ERC1: variants seen among roughly 807,000 people sequenced by gnomAD.
ERC1 encodes RAB6 interacting protein 2.
In ERC1, 56 loss-of-function variants were observed where a neutral mutation model predicts 132.0. That is an observed-to-expected ratio of 0.42 (90% confidence interval 0.34 to 0.53). ERC1 has a LOEUF of 0.53. ERC1 is among the 20% of genes least tolerant of loss of function. ERC1 has a pLI of 0.03. For synonymous variants in ERC1, 478 were observed against 476.1 expected, an observed-to-expected ratio of 1.00 and a Z score of -0.05; for missense variants, 1,202 against 1,349.9, an observed-to-expected ratio of 0.89 and a Z score of 1.72.
intron 18 of ERC1, among the ~76,000 whole-genome samples, chr12:1,486,940 C>A (rs1177961205): frequency 1.3e-5 from 2 of 152,308 alleles, no homozygotes; most frequent in East Asian, 3.9e-4. Context: ...CTAGAATTGT[C>A]TGGAATATTC....
At chr12:1,337,402 T>A (rs1239765418) in intron 15 of ERC1, among the ~76,000 whole-genome samples, 1 of 152,072 alleles carries the variant, frequency 6.6e-6, no homozygotes, top group African/African-American at 2.4e-5. Context: ...CTTCGTAGAT[T>A]TTTCTTTATT....
intron 2 of ERC1, among the ~76,000 whole-genome samples, chr12:1,034,652 G>A (rs1361286789): frequency 6.6e-6 from 1 of 152,128 alleles, no homozygotes; most frequent in Non-Finnish European, 1.5e-5. Context: ...TGATGATGCT[G>A]AAACTATGCC....
At chr12:1,150,940 C>G (rs562146310) in intron 8 of ERC1, among the ~76,000 whole-genome samples, 2 of 152,192 alleles carry the variant, frequency 1.3e-5, no homozygotes, top group Non-Finnish European at 2.9e-5. Context: ...AGCACGGACT[C>G]TTGTTAAGAA....
In ERC1 at chr12:1,028,054, G is replaced by A. The variant is rs1565812648; in HGVS notation, c.151G>A (p.Gly51Arg). 1 of 1,614,126 alleles carries A rather than the reference G, an allele frequency of 6.2e-7. No individual in the cohort carries two copies. ...SSGSSVGGGS[G>R]KTLSMENIQS... ...GGGAAGCAGTGTTGGAGGTGGCAGT[G>A]GGAAAACCCTTTCAATGGAAAATAT... Residue 51 changes from glycine to arginine, a missense_variant, in exon 2 of 19, where the codon GGG (glycine) becomes AGG (arginine). Coordinates refer to ENST00000360905, the MANE Select transcript of ERC1 (RefSeq NM_178040.4).
At chr12:1,394,228 A>G (rs550881934) in intron 16 of ERC1, among the ~76,000 whole-genome samples, 554 of 148,974 alleles carry the variant, frequency 3.7e-3, no homozygotes, top group Non-Finnish European at 5.4e-3. Flanking sequence ...GTGAAACCCC[A>G]TCTCTACTAA....
chr12:1,092,846 A>G (rs924995089), intron 3 of ERC1, among the ~76,000 whole-genome samples: 1 of 152,222 alleles, frequency 6.6e-6, no homozygotes, highest in Admixed American at 6.5e-5. Context: ...CTGTAATCCC[A>G]GCTCTTTGTG....
At chr12:1,348,273 C>T (rs2084672128) in intron 15 of ERC1, among the ~76,000 whole-genome samples, 1 of 152,134 alleles carries the variant, frequency 6.6e-6, no homozygotes. Context: ...ACTCTTGTTT[C>T]CAAAAGTGTT....
intron 1 of ERC1, among the ~76,000 whole-genome samples, chr12:1,022,542 C>G (rs887807832): frequency 7.9e-5 from 12 of 152,118 alleles, no homozygotes; most frequent in African/African-American, 2.9e-4. Context: ...GGCTGTGTCC[C>G]CAGCAATCTC....
chr12:1,359,583 C>T (rs902476061), intron 15 of ERC1, among the ~76,000 whole-genome samples: 1 of 152,106 alleles, frequency 6.6e-6, no homozygotes, highest in African/African-American at 2.4e-5. Context: ...CCCGCTTCCT[C>T]GTTAACAGAC....
chr12:1,417,085 A>C (rs867432559), intron 17 of ERC1, among the ~76,000 whole-genome samples: 42 of 152,174 alleles, frequency 2.8e-4, no homozygotes, highest in African/African-American at 9.2e-4. Context: ...TGTTTCCTCT[A>C]TATGCTCAGA....
At position 1,006,264 on chromosome 12, in the gene ERC1, T is replaced by C. The variant is rs117197672; in HGVS notation, c.-157+14942T>C. On this transcript the variant is annotated intron_variant, in intron 1 of 18. Transcript: ENST00000360905. ...GAACCACTGCACCTGGCCAGTATTA[T>C]TACTATTTTTTGAGACAGATTTTTC... Among the ~76,000 whole-genome samples the C allele has an allele frequency of 9.0e-3, 1,377 of 152,222 alleles. 37 individuals carry two copies. The highest frequency in any genetic ancestry group is 0.031 in the East Asian group (163 of 5,186).
intron 1 of ERC1, among the ~76,000 whole-genome samples, chr12:1,010,061 G>T (rs1380482699): frequency 6.6e-6 from 1 of 152,172 alleles, no homozygotes; most frequent in South Asian, 2.1e-4. Context: ...CAGAATTTGA[G>T]TCTGTAATTC....
At chr12:1,275,476 A>G (rs530502452) in intron 14 of ERC1, among the ~76,000 whole-genome samples, 11 of 152,338 alleles carry the variant, frequency 7.2e-5, no homozygotes, top group Middle Eastern at 3.4e-3. Context: ...TCCAGCAATT[A>G]TATGAAGAAT....
At position 1,102,132 on chromosome 12, in the gene ERC1, AT is replaced by A. The variant is rs564740793; in HGVS notation, c.1087-2607del. Among the ~76,000 whole-genome samples, 755 of 150,116 alleles carry A rather than the reference AT, an allele frequency of 5.0e-3. 6 individuals carry two copies. The highest frequency in any genetic ancestry group is 6.9e-3 in the Middle Eastern group (2 of 290). On this transcript the variant is annotated intron_variant, in intron 3 of 18. Transcript: ENST00000360905. ...TAAAGACGTTCCTTCTTTAACTTAA[AT>A]TTTTTTTTTTCTGGTACCAGCTAGA...
intron 7 of ERC1, among the ~76,000 whole-genome samples, chr12:1,122,487 A>G (rs377406807): frequency 3.4e-4 from 10 of 29,338 alleles, no homozygotes; most frequent in African/African-American, 1.2e-3. Context: ...CTCTATCTCT[A>G]TCTCTATCTC....
At chr12:1,235,702 A>G (rs1034439742) in intron 12 of ERC1, among the ~76,000 whole-genome samples, 2 of 152,148 alleles carry the variant, frequency 1.3e-5, no homozygotes, top group African/African-American at 4.8e-5. Flanking sequence ...GGATGTGGAG[A>G]GGTATAATGG....
chr12:1,280,334 G>A (rs1400555743), intron 14 of ERC1, among the ~76,000 whole-genome samples: 2 of 152,164 alleles, frequency 1.3e-5, no homozygotes, highest in East Asian at 3.9e-4. Flanking sequence ...GTGCACGGTG[G>A]GATTTATCCT....
chr12:1,078,193 A>G (rs1941639071), intron 2 of ERC1, among the ~76,000 whole-genome samples: 1 of 152,206 alleles, frequency 6.6e-6, no homozygotes, highest in South Asian at 2.1e-4. Flanking sequence ...AGGAACAGTC[A>G]TACCTAGAAA....
chr12:1,255,047 A>G (rs543734247), intron 13 of ERC1, among the ~76,000 whole-genome samples: 17 of 151,706 alleles, frequency 1.1e-4, no homozygotes, highest in African/African-American at 3.1e-4. Context: ...GCACCCATCA[A>G]CCTGTCACCT....
Sources: gnomAD v4.1 joint callset for allele counts (sites outside exome capture counted in the v4.1 genomes callset) on GRCh38, gnomAD v4.1.1 for gene constraint, MANE v1.5 for transcripts, NCBI Gene and HGNC (gene_info 2026-07-23, HGNC 2026-07-21) for gene names.